Variants in CFAP47 observed in about 807,000 individuals in gnomAD.
CFAP47 encodes the protein cilia- and flagella-associated protein 47.
In CFAP47, 29 loss-of-function variants were observed where a neutral mutation model predicts 148.1. The ratio of observed to expected loss-of-function variants is 0.20; its 90% CI spans 0.15 to 0.27. The LOEUF is 0.27. Among genes scored for constraint, CFAP47 ranks in the 10% least tolerant of loss-of-function variants. CFAP47 has a pLI of 1.00. For missense variants in CFAP47, 1,872 were observed against 1,697.5 expected, an observed-to-expected ratio of 1.10 and a Z score of -1.81; for synonymous variants, 664 against 577.3, an observed-to-expected ratio of 1.15 and a Z score of -2.15.
In CFAP47 at chrX:36,008,544, A is replaced by C. The variant is rs147194326; in HGVS notation, c.3418-6230A>C. Among the ~76,000 whole-genome samples, 585 of 109,421 alleles carry C rather than the reference A, an allele frequency of 5.3e-3. 6 individuals are homozygous for C. The highest frequency in any genetic ancestry group is 0.019 in the African/African-American group (560 of 30,076). ...TAGCACTTTGGGAGGTCGAGGTGGGAAGATTACCTGAGGTCAGGAGTTCCA... is the reference window on the plus strand; with the variant it reads ...TAGCACTTTGGGAGGTCGAGGTGGGCAGATTACCTGAGGTCAGGAGTTCCA... On this transcript the variant is annotated intron_variant, in intron 21 of 63. Coordinates refer to ENST00000378653, the MANE Select transcript of CFAP47 (RefSeq NM_001304548.2).
Position 36,059,514 on chromosome X carries a change from T to C in CFAP47, c.4218-6129T>C, listed in dbSNP as rs571406338. ...ATGATTAGAAATAATTTTTCTTTGT[T>C]AGGCATTGCTGTACTTATTGCATTA... On this transcript the variant is annotated intron_variant, in intron 26 of 63. Transcript: ENST00000378653. 6.3e-4 allele frequency among the ~76,000 whole-genome samples: 71 copies of C among 111,946 alleles called. No individual in the cohort carries two copies. In the South Asian group the frequency reaches 0.026, roughly 42 times the overall value.
intron 33 of CFAP47, among the ~76,000 whole-genome samples, chrX:36,123,304 G>T (rs995510666): frequency 8.9e-6 from 1 of 111,999 alleles, no homozygotes; most frequent in Non-Finnish European, 1.9e-5. Flanking sequence ...GCTTGTGTTT[G>T]CTCAAGGTCC....
At chrX:36,069,232 C>A (rs1309310338) in intron 27 of CFAP47, among the ~76,000 whole-genome samples, 1 of 110,591 alleles carries the variant, frequency 9.0e-6, no homozygotes. Flanking sequence ...ATCTGTTTTA[C>A]CTATTTAAAA....
intron 8 of CFAP47, among the ~76,000 whole-genome samples, chrX:35,959,878 CAAAAAA>C (rs755201291): frequency 3.3e-5 from 1 of 30,413 alleles, no homozygotes; most frequent in Non-Finnish European, 6.2e-5. Context: ...GACTCCGTCT[CAAAAAA>C]AAAAAAAAAA....
At chrX:35,951,731 A>T in intron 5 of CFAP47, 72 bp from the exon 6 acceptor site, 1 of 986,860 alleles carries the variant, frequency 1.0e-6, no homozygotes, top group Non-Finnish European at 1.3e-6. Context: ...TTCAATAATT[A>T]TTTTGTAACC....
chrX:36,055,816 C>T (rs758873459), intron 26 of CFAP47, among the ~76,000 whole-genome samples: 3 of 112,056 alleles, frequency 2.7e-5, no homozygotes, highest in African/African-American at 9.7e-5. Context: ...CCCTCACCAG[C>T]ATCTGTTGTT....
intron 39 of CFAP47, among the ~76,000 whole-genome samples, chrX:36,177,738 T>C (rs1194561414): frequency 8.9e-6 from 1 of 112,423 alleles, no homozygotes; most frequent in African/African-American, 3.2e-5. Flanking sequence ...AATCTGATGT[T>C]GGCATTAGTT....
intron 8 of CFAP47, among the ~76,000 whole-genome samples, chrX:35,960,380 G>GAAAAAAAAAAAACAAAAAAAAAAAA (rs1936310865): frequency 6.5e-5 from 1 of 15,489 alleles, no homozygotes; most frequent in African/African-American, 2.6e-4. Flanking sequence ...GCTAATTTCT[G>GAAAAAAAAAAAACAAAAAAAAAAAA]AAAAAAAAAA....
At chrX:35,980,909 G>A (rs1207954549) in intron 15 of CFAP47, among the ~76,000 whole-genome samples, 3 of 110,301 alleles carry the variant, frequency 2.7e-5, no homozygotes, top group Non-Finnish European at 3.8e-5. Flanking sequence ...ACAATAAGAC[G>A]TTTAATATCA....
chrX:36,012,539 G>A (rs1408709506), intron 21 of CFAP47, among the ~76,000 whole-genome samples: 4 of 111,417 alleles, frequency 3.6e-5, no homozygotes, highest in Non-Finnish European at 5.7e-5. Context: ...GCTGGAAGCC[G>A]TCATCCTCAG....
At chrX:36,271,714 A>G (rs1940961362) in intron 49 of CFAP47, among the ~76,000 whole-genome samples, 1 of 112,107 alleles carries the variant, frequency 8.9e-6, no homozygotes, top group South Asian at 3.6e-4. Context: ...AGGATGAGAC[A>G]TCATTTGAAA....
chrX:36,159,325 G>A (rs895478471), intron 37 of CFAP47, 101 bp from the exon 38 acceptor site: 6 of 289,478 alleles, frequency 2.1e-5, no homozygotes. Flanking sequence ...TGAGTACCTT[G>A]CAGGGGGATG....
At chrX:35,976,938 C>T (rs1936579915) in intron 15 of CFAP47, among the ~76,000 whole-genome samples, 1 of 111,734 alleles carries the variant, frequency 8.9e-6, no homozygotes, top group Admixed American at 9.5e-5. Context: ...AGTATACCTG[C>T]TGTAACATGA....
intron 33 of CFAP47, among the ~76,000 whole-genome samples, chrX:36,114,426 T>G (rs2146806273): frequency 8.9e-6 from 1 of 112,114 alleles, no homozygotes; most frequent in South Asian, 3.7e-4. Context: ...CACTCTGGCT[T>G]TTTGAGTTGT....
At chrX:36,301,323 A>C in intron 53 of CFAP47, 144 bp downstream of exon 53, 1 of 399,712 alleles carries the variant, frequency 2.5e-6, no homozygotes, top group Non-Finnish European at 4.4e-6. Flanking sequence ...GGAAGGTTTG[A>C]TATGTAAACT....
chrX:36,224,738 A>G (rs1555991287), intron 45 of CFAP47, among the ~76,000 whole-genome samples: 1 of 111,922 alleles, frequency 8.9e-6, no homozygotes, highest in African/African-American at 3.2e-5. Context: ...CAAAATACCC[A>G]GGTAGTACCA....
At chrX:36,318,589 A>T (rs1050967153) in intron 56 of CFAP47, among the ~76,000 whole-genome samples, 26 of 111,997 alleles carry the variant, frequency 2.3e-4, no homozygotes, top group Admixed American at 5.7e-4. Flanking sequence ...ATAGTGTATG[A>T]TGTAGGGAAT....
chrX:35,931,150 T>G (rs1392765490), intron 2 of CFAP47, among the ~76,000 whole-genome samples: 1 of 111,328 alleles, frequency 9.0e-6, no homozygotes, highest in African/African-American at 3.3e-5. Flanking sequence ...GTATTTAATT[T>G]TTTTTAAAGT....
At chrX:36,211,599 C>A in intron 45 of CFAP47, 1 of 256,784 alleles carries the variant, frequency 3.9e-6, no homozygotes, top group Non-Finnish European at 7.2e-6. Context: ...TGCTGCATAT[C>A]AAGCTAAAGG....
Sources: gnomAD v4.1 joint callset for allele counts (sites outside exome capture counted in the v4.1 genomes callset) on GRCh38, gnomAD v4.1.1 for gene constraint, MANE v1.5 for transcripts, NCBI Gene and HGNC (gene_info 2026-07-23, HGNC 2026-07-21) for gene names.